Variants in NLRC3 observed in about 807,000 individuals in gnomAD.
NLRC3 encodes NLR family CARD domain-containing protein 3.
NLRC3 carries 87 observed loss-of-function variants against 91.6 expected under a neutral mutation model. That is an observed-to-expected ratio of 0.95 (90% confidence interval 0.80 to 1.14). The LOEUF is 1.14. NLRC3 is among the 50% of genes most tolerant of loss of function. The pLI is 0.00. For synonymous variants in NLRC3, 694 were observed against 625.3 expected (o/e 1.11, Z -1.64); for missense variants, 1,577 against 1,418.6 (o/e 1.11, Z -1.79).
chr16:3,573,252 C>G (rs1338309674), intron 1 of NLRC3, among the ~76,000 whole-genome samples: 1 of 149,946 alleles, frequency 6.7e-6, no homozygotes, highest in African/African-American at 2.5e-5. Flanking sequence ...AACCCTGTCT[C>G]TATAAAAAGT....
At chr16:3,565,469 C>CAAAAA (rs57860901) in intron 2 of NLRC3, 89 bp from the exon 3 acceptor site, 1 of 44,256 alleles carries the variant, frequency 2.3e-5, no homozygotes, top group Non-Finnish European at 4.0e-5. Context: ...TGGGAAAAAG[C>CAAAAA]AAAAAAAAAA....
At chr16:3,572,399 C>T (rs62037798) in intron 1 of NLRC3, among the ~76,000 whole-genome samples, 2,176 of 151,982 alleles carry the variant, frequency 0.014, 20 homozygotes, top group Middle Eastern at 0.024. Context: ...TCCCTGGGCT[C>T]AAGTGATCCT....
intron 6 of NLRC3, among the ~76,000 whole-genome samples, chr16:3,558,776 C>T (rs1355715608): frequency 4.6e-5 from 7 of 151,998 alleles, no homozygotes; most frequent in African/African-American, 1.2e-4. Context: ...GGCTGGTGCT[C>T]TTCTTTTTCT....
intron 1 of NLRC3, among the ~76,000 whole-genome samples, chr16:3,568,731 G>GA (rs1231536184): frequency 2.0e-5 from 3 of 150,690 alleles, no homozygotes; most frequent in African/African-American, 4.9e-5. Flanking sequence ...TGTCTTAGGA[G>GA]AAAAAAAAAG....
At chr16:3,575,725 C>T (rs957878822) in intron 1 of NLRC3, among the ~76,000 whole-genome samples, 29 of 152,166 alleles carry the variant, frequency 1.9e-4, no homozygotes, top group African/African-American at 5.3e-4. Flanking sequence ...ACGGACTAGC[C>T]GCCTCTGCCC....
intron 17 of NLRC3, 30 bp from the exon 18 acceptor site, chr16:3,542,805 TG>T: frequency 6.6e-7 from 1 of 1,507,794 alleles, no homozygotes; most frequent in Non-Finnish European, 9.1e-7. Context: ...GCCTAAGGCA[TG>T]GGTACAGGCT....
intron 1 of NLRC3, among the ~76,000 whole-genome samples, chr16:3,569,399 T>TATTA (rs1197824362): frequency 1.3e-5 from 1 of 77,828 alleles, no homozygotes; most frequent in African/African-American, 5.7e-5. Context: ...TATATATTAT[T>TATTA]TTTTTTTTTT....
At position 3,574,190 on chromosome 16, in the gene NLRC3, A is replaced by T. The variant is rs1378842837; in HGVS notation, c.-169+2959T>A. On this transcript the variant is annotated intron_variant, in intron 1 of 19. Coordinates refer to ENST00000359128, the MANE Select transcript of NLRC3 (RefSeq NM_178844.4). ...GGCACCCACCATCAATACCATTTGT[A>T]TTTTTGTAGAGACAGGGTTTCACCA... Among the ~76,000 whole-genome samples the T allele has an allele frequency of 2.6e-5, 4 of 151,464 alleles. No homozygotes were observed. The East Asian group carries it at 7.8e-4, about 30-fold the overall frequency.
At chr16:3,552,869 G>A (rs1008977071) in intron 9 of NLRC3, among the ~76,000 whole-genome samples, 1 of 152,240 alleles carries the variant, frequency 6.6e-6, no homozygotes, top group Non-Finnish European at 1.5e-5. Flanking sequence ...GAACCAGGGA[G>A]GCGGAGGTTG....
chr16:3,556,129 G>T (rs1227464215), intron 8 of NLRC3, among the ~76,000 whole-genome samples: 1 of 149,302 alleles, frequency 6.7e-6, no homozygotes, highest in Non-Finnish European at 1.5e-5. Context: ...AGGAGCTCGA[G>T]ACCAGCCTGG....
intron 17 of NLRC3, chr16:3,543,164 C>T: frequency 2.0e-6 from 1 of 505,922 alleles, no homozygotes; most frequent in South Asian, 2.1e-5. Flanking sequence ...GCCCAGAGAA[C>T]AAGATCAGCC....
In NLRC3 at chr16:3,563,536, G is replaced by C. The variant is rs762783691; in HGVS notation, c.1401C>G (p.Tyr467Ter). The C allele has an allele frequency of 6.2e-7, 1 of 1,608,916 alleles. No homozygotes were observed. Among genetic ancestry groups the C allele is most frequent in the Non-Finnish European group, 8.5e-7 (1 of 1,178,016 alleles). ...AGATGGCCCTCCTGGATGCGCCATAGTAATACGCGGCTGCCACAAACTCCT... is the reference window on the plus strand; with the variant it reads ...AGATGGCCCTCCTGGATGCGCCATACTAATACGCGGCTGCCACAAACTCCT... ...SLQEFVAAAY[Y>*]YGASRRAIFD... The change falls in exon 5 of 20, where the codon TAC becomes TAG. Residue 467 changes from tyrosine to a stop codon, truncating the protein, a stop_gained. Transcript: ENST00000359128. LOFTEE classifies it high-confidence loss of function.
At position 3,542,253 on chromosome 16, in the gene NLRC3, C is replaced by A. The variant is rs1449037039; in HGVS notation, c.3045G>T (p.Gly1015=). The change falls in exon 19 of 20, where the codon GGG becomes GGT. Residue 1015 remains glycine, a synonymous_variant. Transcript: ENST00000359128. The part of the protein sequence containing the change: ...RRLNLQENSL[G]MDGAICIATA... Reference sequence around the variant, plus strand: ...TGGCAATGCATATCGCCCCGTCCATCCCCAGAGAATTCTCTTGAAGACTAA... The same window carrying A: ...TGGCAATGCATATCGCCCCGTCCATACCCAGAGAATTCTCTTGAAGACTAA... 1 of 1,592,748 alleles carries A rather than the reference C, an allele frequency of 6.3e-7. No homozygotes were observed. Among genetic ancestry groups the A allele is most frequent in the East Asian group, 2.3e-5 (1 of 43,982 alleles).
At chr16:3,546,076 C>T (rs80090067) in intron 15 of NLRC3, among the ~76,000 whole-genome samples, 7,618 of 151,928 alleles carry the variant, frequency 0.05, 249 homozygotes, top group Admixed American at 0.069. Context: ...CAGAGGGGAC[C>T]GACCCAACAG....
chr16:3,553,739 T>G (rs1396151775), intron 9 of NLRC3, among the ~76,000 whole-genome samples: 1 of 150,880 alleles, frequency 6.6e-6, no homozygotes, highest in East Asian at 1.9e-4. Flanking sequence ...TAATTTTATT[T>G]TATATTTTAA....
At chr16:3,548,063 T>C in intron 15 of NLRC3, 72 bp downstream of exon 15, 2 of 1,026,002 alleles carry the variant, frequency 1.9e-6, no homozygotes, top group Non-Finnish European at 3.0e-6. Context: ...CTCTGCCTGA[T>C]GGGTACCAGG....
At chr16:3,547,789 C>A (rs1396143722) in intron 15 of NLRC3, among the ~76,000 whole-genome samples, 1 of 152,152 alleles carries the variant, frequency 6.6e-6, no homozygotes, top group African/African-American at 2.4e-5. Context: ...CTGCCTCAGC[C>A]TCCCGAGTAG....
intron 2 of NLRC3, among the ~76,000 whole-genome samples, chr16:3,566,139 G>C (rs2039875124): frequency 7.3e-6 from 1 of 136,942 alleles, no homozygotes; most frequent in African/African-American, 2.7e-5. Flanking sequence ...GAATGAGCCA[G>C]AGTATACACT....
intron 1 of NLRC3, among the ~76,000 whole-genome samples, chr16:3,571,499 G>A (rs1197568877): frequency 6.8e-6 from 1 of 147,130 alleles, no homozygotes; most frequent in Admixed American, 6.9e-5. Flanking sequence ...AGCTATGATT[G>A]TGCCACTGCA....
Sources: gnomAD v4.1 joint callset for allele counts (sites outside exome capture counted in the v4.1 genomes callset) on GRCh38, gnomAD v4.1.1 for gene constraint, MANE v1.5 for transcripts, NCBI Gene and HGNC (gene_info 2026-07-23, HGNC 2026-07-21) for gene names.